Variants in MAF observed in about 807,000 individuals in gnomAD.
MAF encodes transcription factor Maf.
A neutral mutation model predicts 22.0 loss-of-function variants in MAF; 10 were observed. That is an observed-to-expected ratio of 0.45 (90% CI 0.28 to 0.77). The LOEUF (loss-of-function observed/expected upper bound fraction) is 0.77, where lower values mean the gene tolerates loss of function less well. Ranked by LOEUF, MAF falls within the 30% of genes least tolerant of loss-of-function variation. The probability of loss-of-function intolerance (pLI) is 0.12; values close to 1 mark genes in which losing one functional copy is unlikely to be tolerated. For missense variants in MAF, 544 were observed against 548.4 expected (o/e 0.99, Z 0.08); for synonymous variants, 337 against 255.8 (o/e 1.32, Z -3.03).
chr16:79,341,140 C>T, the MAF span, among the ~76,000 whole-genome samples: 1 of 152,030 alleles, frequency 6.6e-6, no homozygotes, highest in Non-Finnish European at 1.5e-5. Flanking sequence ...AGTGGGCTGG[C>T]AGAAGAACAT....
the MAF span, among the ~76,000 whole-genome samples, chr16:79,439,511 C>T: frequency 3.3e-5 from 5 of 152,046 alleles, no homozygotes; most frequent in Admixed American, 6.6e-5. Context: ...CCACCCACCT[C>T]GGCCTCCCAA....
chr16:79,590,163 T>C (rs555883003), downstream of MAF, among the ~76,000 whole-genome samples: 1 of 151,510 alleles, frequency 6.6e-6, no homozygotes, highest in South Asian at 2.1e-4. Context: ...AACCCATGCA[T>C]AAAGGACTGG....
At chr16:79,508,789 A>G in the MAF span, among the ~76,000 whole-genome samples, 1 of 152,212 alleles carries the variant, frequency 6.6e-6, no homozygotes, top group Non-Finnish European at 1.5e-5. Context: ...ATAGGTTTCT[A>G]TTTATCTGAA....
chr16:79,534,305 C>G, the MAF span, among the ~76,000 whole-genome samples: 2 of 152,180 alleles, frequency 1.3e-5, no homozygotes, highest in East Asian at 3.9e-4. Context: ...CCTCCTGTGT[C>G]TCCTTCTACC....
At chr16:79,400,209 CA>C in the MAF span, among the ~76,000 whole-genome samples, 1 of 152,132 alleles carries the variant, frequency 6.6e-6, no homozygotes, top group Non-Finnish European at 1.5e-5. Context: ...TGAATTGTCC[CA>C]AAATATCAGG....
chr16:79,451,161 C>G, the MAF span, among the ~76,000 whole-genome samples: 1 of 152,224 alleles, frequency 6.6e-6, no homozygotes, highest in Non-Finnish European at 1.5e-5. Context: ...CCACCACCTT[C>G]AGTTTGCAGG....
chr16:79,462,743 T>C, the MAF span, among the ~76,000 whole-genome samples: 1 of 152,228 alleles, frequency 6.6e-6, no homozygotes, highest in Non-Finnish European at 1.5e-5. Context: ...CTCTGGCCTT[T>C]GGACCTATAC....
At chr16:79,202,957 T>C in the MAF span, 1 of 152,314 alleles carries the variant, frequency 6.6e-6, no homozygotes, top group South Asian at 2.1e-4. Context: ...TTTGTAACTT[T>C]CTATGCTAAG....
chr16:79,540,990 C>G, the MAF span, among the ~76,000 whole-genome samples: 1 of 151,788 alleles, frequency 6.6e-6, no homozygotes, highest in Non-Finnish European at 1.5e-5. Flanking sequence ...ACTACGGTTA[C>G]TACAACTGCT....
At chr16:79,305,693 C>T in the MAF span, among the ~76,000 whole-genome samples, 7 of 152,144 alleles carry the variant, frequency 4.6e-5, no homozygotes, top group Non-Finnish European at 7.4e-5. Flanking sequence ...CTGTAATAGA[C>T]GGGTTCTTGT....
Position 79,599,840 on chromosome 16 carries a change from A to T in MAF, c.63T>A (p.Tyr21Ter). 1 of 1,611,544 alleles carries T rather than the reference A, an allele frequency of 6.2e-7. No homozygotes were observed. Among genetic ancestry groups the T allele is most frequent in the Non-Finnish European group, 8.5e-7 (1 of 1,179,878 alleles). ...DLPTSPLAMEYVNDFDLMKFE... is the reference protein window; with the variant it reads ...DLPTSPLAME ...ACTTCATCAGATCGAAGTCATTAAC[A>T]TATTCCATGGCCAGGGGACTGGTGG... Residue 21 changes from tyrosine (Y) to a stop codon, truncating the protein, a stop_gained, in exon 1 of 2, where the codon TAT (tyrosine) becomes TAA (stop). Transcript: ENST00000326043. LOFTEE classifies it high-confidence loss of function.
chr16:79,383,344 G>C, the MAF span, among the ~76,000 whole-genome samples: 2 of 152,014 alleles, frequency 1.3e-5, no homozygotes, highest in Admixed American at 1.3e-4. Context: ...AAGATTCACA[G>C]GGGAAAACTC....
chr16:79,488,279 G>C, the MAF span, among the ~76,000 whole-genome samples: 1 of 152,074 alleles, frequency 6.6e-6, no homozygotes, highest in African/African-American at 2.4e-5. Flanking sequence ...AGGACTTTAG[G>C]GGACCAGGAA....
chr16:79,429,641 C>G, the MAF span, among the ~76,000 whole-genome samples: 1 of 152,140 alleles, frequency 6.6e-6, no homozygotes. Context: ...CCTGGTTTCT[C>G]GGGCTCCTCT....
At chr16:79,222,161 G>C in the MAF span, among the ~76,000 whole-genome samples, 36 of 152,248 alleles carry the variant, frequency 2.4e-4, no homozygotes, top group African/African-American at 7.9e-4. Flanking sequence ...CTACAAGCCA[G>C]AAGAGAAAGG....
At chr16:79,538,208 A>C in the MAF span, among the ~76,000 whole-genome samples, 1 of 152,380 alleles carries the variant, frequency 6.6e-6, no homozygotes, top group South Asian at 2.1e-4. Context: ...GTCCTATTTT[A>C]AGAATCAACA....
At chr16:79,594,692 GA>G (rs1913407875) in intron 1 of MAF, 139 bp from the exon 2 acceptor site, 2 of 1,456,734 alleles carry the variant, frequency 1.4e-6, no homozygotes, top group Admixed American at 5.4e-5. Context: ...ACTTACTCAG[GA>G]TTTAGGAGTT....
the MAF span, among the ~76,000 whole-genome samples, chr16:79,477,404 A>C: frequency 6.6e-6 from 1 of 152,164 alleles, no homozygotes; most frequent in Non-Finnish European, 1.5e-5. Context: ...AGAATAAAGA[A>C]GGCCAGCCTC....
chr16:79,218,723 A>G, the MAF span, among the ~76,000 whole-genome samples: 1 of 152,230 alleles, frequency 6.6e-6, no homozygotes, highest in Non-Finnish European at 1.5e-5. Context: ...CACAGGACAG[A>G]GTTCACATGT....
Sources: gnomAD v4.1 joint callset for allele counts (sites outside exome capture counted in the v4.1 genomes callset) on GRCh38, gnomAD v4.1.1 for gene constraint, MANE v1.5 for transcripts, NCBI Gene and HGNC (gene_info 2026-07-23, HGNC 2026-07-21) for gene names.